SYT16: variants seen among roughly 807,000 people sequenced by gnomAD.
The protein encoded by SYT16 is synaptotagmin 16, also known as synaptotagmin-16.
In SYT16, 42 loss-of-function variants were observed where a neutral mutation model predicts 61.4. The observed-to-expected ratio is 0.68, with a 90% confidence interval of 0.53 to 0.89. The LOEUF (loss-of-function observed/expected upper bound fraction) is 0.89, where lower values mean the gene tolerates loss of function less well. Among genes scored for constraint, SYT16 ranks in the 40% least tolerant of loss-of-function variants. The probability of loss-of-function intolerance (pLI) is 0.00; values close to 1 mark genes in which losing one functional copy is unlikely to be tolerated. For synonymous variants in SYT16, 314 were observed against 302.3 expected (o/e 1.04, Z -0.40); for missense variants, 804 against 807.3 (o/e 1.00, Z 0.05).
chr14:61,863,371 G>C (rs898959965), intron 1 of SYT16, among the ~76,000 whole-genome samples: 9 of 152,146 alleles, frequency 5.9e-5, no homozygotes, highest in African/African-American at 2.2e-4. Context: ...ATATAATCTG[G>C]AACATCTTTT....
intron 1 of SYT16, among the ~76,000 whole-genome samples, chr14:61,846,925 A>G (rs1007075416): frequency 4.6e-5 from 7 of 152,224 alleles, no homozygotes; most frequent in Non-Finnish European, 8.8e-5. Context: ...CAAACAAGCA[A>G]AAAGAAAACT....
intron 1 of SYT16, among the ~76,000 whole-genome samples, chr14:61,891,996 G>A (rs1200098810): frequency 2.6e-5 from 4 of 152,042 alleles, no homozygotes; most frequent in Non-Finnish European, 4.4e-5. Context: ...ACTCATCCAG[G>A]GGCGAGGCTG....
At chr14:62,053,901 G>C (rs2055422075) in intron 3 of SYT16, among the ~76,000 whole-genome samples, 1 of 152,104 alleles carries the variant, frequency 6.6e-6, no homozygotes, top group Non-Finnish European at 1.5e-5. Flanking sequence ...GCTTTTTGTG[G>C]AACCCCATGA....
chr14:62,090,000 C>T (rs1329159945), intron 7 of SYT16, among the ~76,000 whole-genome samples: 2 of 152,240 alleles, frequency 1.3e-5, no homozygotes, highest in Non-Finnish European at 2.9e-5. Flanking sequence ...TGCTATCCAA[C>T]TGCTTCATGG....
At chr14:61,829,212 C>T (rs2045861507) in intron 1 of SYT16, among the ~76,000 whole-genome samples, 1 of 152,012 alleles carries the variant, frequency 6.6e-6, no homozygotes, top group Non-Finnish European at 1.5e-5. Context: ...ATTAATATAT[C>T]ACAAAAGAAA....
intron 3 of SYT16, among the ~76,000 whole-genome samples, chr14:62,033,630 G>A (rs1288661689): frequency 6.6e-6 from 1 of 152,036 alleles, no homozygotes; most frequent in African/African-American, 2.4e-5. Context: ...GGAAAGACAT[G>A]AGAGCTGCTG....
intron 7 of SYT16, among the ~76,000 whole-genome samples, chr14:62,092,173 A>AAC (rs56324432): frequency 0.055 from 7,256 of 131,054 alleles, 280 homozygotes; most frequent in Non-Finnish European, 0.073. Flanking sequence ...TGGCTACTAT[A>AAC]ACACACACAC....
chr14:61,896,993 T>A (rs2048346954), intron 1 of SYT16, among the ~76,000 whole-genome samples: 1 of 152,260 alleles, frequency 6.6e-6, no homozygotes, highest in Non-Finnish European at 1.5e-5. Context: ...GCCTCTGGGC[T>A]TTGTTCCACT....
At chr14:61,931,598 G>A (rs768399027) in intron 1 of SYT16, among the ~76,000 whole-genome samples, 8 of 152,120 alleles carry the variant, frequency 5.3e-5, no homozygotes, top group Non-Finnish European at 4.4e-5. Flanking sequence ...TTTAATGGCT[G>A]CATGAAATGC....
rs374724292 is a variant in SYT16 at position 61,923,730 on chromosome 14, G to A, written c.-324-46402G>A. Among the ~76,000 whole-genome samples, 10 of 152,124 alleles carry A rather than the reference G, an allele frequency of 6.6e-5. No homozygotes were observed. In the East Asian group the frequency reaches 1.2e-3, roughly 18 times the overall value. On this transcript the variant is annotated intron_variant, in intron 1 of 7. Transcript: ENST00000683842. Reference sequence around the variant, plus strand: ...CAAATGGAAATGAATTTTGAGTTTAGGGGTTTGACTGTTACAACTTAATTA... The same window carrying A: ...CAAATGGAAATGAATTTTGAGTTTAAGGGTTTGACTGTTACAACTTAATTA...
intron 1 of SYT16, among the ~76,000 whole-genome samples, chr14:61,850,749 G>A (rs887631000): frequency 6.6e-6 from 1 of 152,010 alleles, no homozygotes; most frequent in Non-Finnish European, 1.5e-5. Flanking sequence ...TTATGTGTTG[G>A]TAATCATTAG....
intron 1 of SYT16, among the ~76,000 whole-genome samples, chr14:61,844,420 T>C (rs547958038): frequency 1.3e-5 from 2 of 152,320 alleles, no homozygotes; most frequent in African/African-American, 2.4e-5. Context: ...TCCAGTATTA[T>C]GTCAAATAAC....
At chr14:61,992,043 G>T (rs1188073192) in intron 2 of SYT16, among the ~76,000 whole-genome samples, 2 of 152,024 alleles carry the variant, frequency 1.3e-5, no homozygotes, top group Non-Finnish European at 2.9e-5. Context: ...CAAAGTATAA[G>T]CACAGCCCTA....
chr14:61,840,739 G>A (rs1413213046), intron 1 of SYT16, among the ~76,000 whole-genome samples: 1 of 152,148 alleles, frequency 6.6e-6, no homozygotes, highest in African/African-American at 2.4e-5. Flanking sequence ...AAAGGGAGCT[G>A]AGATAGCTGC....
chr14:62,044,223 G>C lies in SYT16; in HGVS notation c.524-25380G>C, dbSNP rs149300637. 5.9e-4 allele frequency among the ~76,000 whole-genome samples: 89 copies of C among 151,150 alleles called. 1 individual carries two copies. In the East Asian group the frequency reaches 0.013, roughly 22 times the overall value. On this transcript the variant is annotated intron_variant, in intron 3 of 7. Transcript: ENST00000683842. Reference sequence around the variant, plus strand: ...TTTGAAAAAAAAAAAAATAGGAAACGAAAGAGAAATTACAGTATTCCTGGG... The same window carrying C: ...TTTGAAAAAAAAAAAAATAGGAAACCAAAGAGAAATTACAGTATTCCTGGG...
chr14:61,892,687 G>C (rs190667051), intron 1 of SYT16, among the ~76,000 whole-genome samples: 1 of 152,166 alleles, frequency 6.6e-6, no homozygotes, highest in Non-Finnish European at 1.5e-5. Context: ...TAGAACCGAT[G>C]GGGGGTGGTG....
At chr14:61,923,456 G>A (rs957583221) in intron 1 of SYT16, among the ~76,000 whole-genome samples, 18 of 152,098 alleles carry the variant, frequency 1.2e-4, no homozygotes, top group African/African-American at 4.3e-4. Context: ...GTTTATTACA[G>A]AATCAAGCAA....
At chr14:62,068,554 G>C (rs550385363) in intron 3 of SYT16, among the ~76,000 whole-genome samples, 1 of 152,284 alleles carries the variant, frequency 6.6e-6, no homozygotes, top group East Asian at 1.9e-4. Context: ...TGTTGAATAA[G>C]TAGATTTCAG....
At chr14:61,849,050 C>T (rs185547914) in intron 1 of SYT16, among the ~76,000 whole-genome samples, 1 of 152,282 alleles carries the variant, frequency 6.6e-6, no homozygotes, top group East Asian at 1.9e-4. Context: ...GGACTGGGTT[C>T]TTCCCTTCAA....
Sources: allele counts gnomAD v4.1 joint callset (sites outside exome capture counted in the v4.1 genomes callset), GRCh38; gene constraint gnomAD v4.1.1; transcripts MANE v1.5; gene names NCBI Gene and HGNC (gene_info 2026-07-23, HGNC 2026-07-21).